Variants in ST6GAL2 observed in about 807,000 individuals in gnomAD.
ST6GAL2 encodes ST6 beta-galactoside alpha-2,6-sialyltransferase 2.
Under a neutral mutation model 37.5 loss-of-function variants are expected in ST6GAL2, and 24 were observed. That is an observed-to-expected ratio of 0.64 (90% CI 0.46 to 0.90). The LOEUF is 0.90. ST6GAL2 is among the 40% of genes least tolerant of loss of function. The pLI is 0.00. For missense variants in ST6GAL2, 715 were observed against 712.7 expected, an observed-to-expected ratio of 1.00 and a Z score of -0.04; for synonymous variants, 306 against 295.1, an observed-to-expected ratio of 1.04 and a Z score of -0.38.
At chr2:106,854,245 G>A (rs7563685) in intron 1 of ST6GAL2, among the ~76,000 whole-genome samples, 6,874 of 152,004 alleles carry the variant, frequency 0.045, 481 homozygotes, top group African/African-American at 0.15. Flanking sequence ...GGCCATGCAC[G>A]GTTGACCAGA....
At chr2:106,821,382 T>TAATATTAA (rs1189433913) in intron 5 of ST6GAL2, among the ~76,000 whole-genome samples, 13 of 150,546 alleles carry the variant, frequency 8.6e-5, no homozygotes, top group African/African-American at 3.2e-4. Flanking sequence ...TATTAAATTG[T>TAATATTAA]ATATATATTA....
upstream of ST6GAL2, chr2:106,886,781 C>T (rs1271008232): frequency 6.6e-6 from 1 of 152,088 alleles, no homozygotes; most frequent in Admixed American, 6.5e-5. Flanking sequence ...CCTCCCCGCG[C>T]CCCCGGCCCG....
chr2:106,813,355 A>T (rs926223570), intron 5 of ST6GAL2: 4 of 557,398 alleles, frequency 7.2e-6, no homozygotes, highest in African/African-American at 1.9e-5. Context: ...CAAACCATTT[A>T]AAAAGCATTT....
At chr2:106,877,623 C>T (rs925138953) in intron 1 of ST6GAL2, among the ~76,000 whole-genome samples, 2 of 152,326 alleles carry the variant, frequency 1.3e-5, no homozygotes, top group South Asian at 2.1e-4. Flanking sequence ...GTTGAACATG[C>T]CAAGAGGCTT....
At chr2:106,837,162 G>A (rs951309496) in intron 2 of ST6GAL2, among the ~76,000 whole-genome samples, 7 of 152,004 alleles carry the variant, frequency 4.6e-5, no homozygotes, top group African/African-American at 1.2e-4. Context: ...AATAATTAAC[G>A]TTTCTTTTCA....
chr2:106,807,864 T>TC (rs901839671), intron 5 of ST6GAL2, among the ~76,000 whole-genome samples: 1 of 151,866 alleles, frequency 6.6e-6, no homozygotes, highest in Admixed American at 6.6e-5. Flanking sequence ...GACCTCCTGC[T>TC]CCCCCCACCT....
At chr2:106,809,227 C>T (rs1354070883) in intron 5 of ST6GAL2, among the ~76,000 whole-genome samples, 1 of 152,260 alleles carries the variant, frequency 6.6e-6, no homozygotes, top group African/African-American at 2.4e-5. Flanking sequence ...CAGCTCTGCA[C>T]AAGGAATCAC....
intron 1 of ST6GAL2, among the ~76,000 whole-genome samples, chr2:106,873,351 T>A (rs1270854369): frequency 6.6e-6 from 1 of 152,198 alleles, no homozygotes; most frequent in Non-Finnish European, 1.5e-5. Context: ...CATGGACAAC[T>A]GATGTTGTAT....
intron 5 of ST6GAL2, chr2:106,813,298 T>G: frequency 9.5e-7 from 1 of 1,051,996 alleles, no homozygotes; most frequent in Non-Finnish European, 1.2e-6. Flanking sequence ...AGGCATTCAT[T>G]TGCTGAACTG....
chr2:106,886,892 G>C (rs989736283), upstream of ST6GAL2: 2 of 152,112 alleles, frequency 1.3e-5, no homozygotes, highest in African/African-American at 4.8e-5. Flanking sequence ...TGCGTGGGGC[G>C]GTGCGGGGCA....
chr2:106,883,910 C>T (rs1678851367), intron 1 of ST6GAL2, among the ~76,000 whole-genome samples: 1 of 152,196 alleles, frequency 6.6e-6, no homozygotes, highest in Non-Finnish European at 1.5e-5. Flanking sequence ...GGACAAATAT[C>T]TCCAAGTTTT....
At chr2:106,824,868 T>G (rs1299713346) in intron 5 of ST6GAL2, 1 of 152,208 alleles carries the variant, frequency 6.6e-6, no homozygotes, top group Admixed American at 6.5e-5. Context: ...CATATCACCT[T>G]GCTGGTACCT....
intron 1 of ST6GAL2, among the ~76,000 whole-genome samples, chr2:106,877,737 T>A (rs1324818925): frequency 6.6e-6 from 1 of 152,238 alleles, no homozygotes; most frequent in East Asian, 1.9e-4. Flanking sequence ...ACCCACCATA[T>A]ATACATAAAA....
chr2:106,869,165 C>T (rs1678157979), intron 1 of ST6GAL2, among the ~76,000 whole-genome samples: 1 of 152,010 alleles, frequency 6.6e-6, no homozygotes, highest in African/African-American at 2.4e-5. Flanking sequence ...TCCACAAGTA[C>T]AAGACAGATA....
Position 106,843,391 on chromosome 2 carries a change from T to C in ST6GAL2, c.587A>G (p.Tyr196Cys), listed in dbSNP as rs1676994332. ...CAGGAAGGCCCTGGACATGGAGGAGTACAGCCTGTCGCCGTCGTCGCCCTC... is the reference window on the plus strand; with the variant it reads ...CAGGAAGGCCCTGGACATGGAGGAGCACAGCCTGTCGCCGTCGTCGCCCTC... ...LEEGDDGDRLYSSMSRAFLYR... is the reference protein window; with the variant it reads ...LEEGDDGDRLCSSMSRAFLYR... Residue 196 changes from tyrosine (Y) to cysteine (C), a missense_variant, in exon 2 of 6, where the codon TAC (tyrosine) becomes TGC (cysteine). This residue lies in a region of ST6GAL2 where 512 missense variants were observed against 488.8 expected (regional missense o/e 1.05). Transcript: ENST00000409382. 1 of 1,613,824 alleles carries C rather than the reference T, an allele frequency of 6.2e-7. No individual in the cohort carries two copies. The highest frequency in any genetic ancestry group is 8.5e-7 in the Non-Finnish European group (1 of 1,179,942).
chr2:106,813,119 T>G (rs1328570604), intron 5 of ST6GAL2: 10 of 1,253,292 alleles, frequency 8.0e-6, no homozygotes, highest in Non-Finnish European at 1.0e-5. Context: ...GGCCAGTTTT[T>G]TTTTTTTTTT....
At chr2:106,861,148 C>G (rs2104580668) in intron 1 of ST6GAL2, among the ~76,000 whole-genome samples, 1 of 152,254 alleles carries the variant, frequency 6.6e-6, no homozygotes, top group South Asian at 2.1e-4. Context: ...AGGAAAATAG[C>G]ACAGCAAAGG....
chr2:106,874,123 C>A (rs1035109880), intron 1 of ST6GAL2, among the ~76,000 whole-genome samples: 7 of 152,190 alleles, frequency 4.6e-5, no homozygotes, highest in Non-Finnish European at 7.3e-5. Flanking sequence ...GTTCTGGAGG[C>A]TGCCTGCAAG....
At position 106,804,221 on chromosome 2, in the gene ST6GAL2, T is replaced by C. The variant is rs1044245128; in HGVS notation, c.*2457A>G. On this transcript the variant is annotated 3_prime_UTR_variant, in exon 6 of 6. Coordinates refer to ENST00000409382, the MANE Select transcript of ST6GAL2 (RefSeq NM_001142351.2). ...TAAAAGTACAATGACTACGACAAAA[T>C]TCCATTTAAAAATCTTTAAAGTGTT... The C allele has an allele frequency of 2.6e-5, 4 of 152,080 alleles. No homozygotes were observed. The highest frequency in any genetic ancestry group is 5.9e-5 in the Non-Finnish European group (4 of 68,016). 9.4% of individuals were successfully genotyped at this position (152,080 alleles called of 1,614,324 possible).
Sources: gnomAD v4.1 joint callset for allele counts (sites outside exome capture counted in the v4.1 genomes callset) on GRCh38, gnomAD v4.1.1 for gene constraint, gnomAD v4.1.1 regional missense constraint, MANE v1.5 for transcripts, NCBI Gene and HGNC (gene_info 2026-07-23, HGNC 2026-07-21) for gene names.